Variants in ADGRL1 observed in about 807,000 individuals in gnomAD.
The protein encoded by ADGRL1 is CIRL-1.
ADGRL1 carries 31 observed loss-of-function variants against 148.9 expected under a neutral mutation model. The observed-to-expected ratio is 0.21, with a 90% confidence interval of 0.16 to 0.28. The LOEUF is 0.28. ADGRL1 is among the 10% of genes least tolerant of loss of function. ADGRL1 has a pLI of 1.00. For synonymous variants in ADGRL1, 937 were observed against 900.3 expected (o/e 1.04, Z -0.73); for missense variants, 1,521 against 2,058.8 (o/e 0.74, Z 5.05).
rs1302877479 is a variant in ADGRL1 at position 14,157,437 on chromosome 19, C to T, written c.2559G>A (p.Leu853=). The T allele has an allele frequency of 6.2e-7, 1 of 1,614,006 alleles. No individual in the cohort carries two copies. The highest frequency in any genetic ancestry group is 2.2e-5 in the East Asian group (1 of 44,894). ...CCACCCAGGTGATGACCGACAGCAGCAGCTCGTTGATGCGGCCCTGGTACT... is the reference window on the plus strand; with the variant it reads ...CCACCCAGGTGATGACCGACAGCAGTAGCTCGTTGATGCGGCCCTGGTACT... ...REIYQGRINE[L]LLSVITWVGI... is the part of the protein sequence containing the mutation. Residue 853 remains leucine (L), a synonymous_variant, in exon 14 of 23, where the codon CTG becomes CTA. Coordinates refer to ENST00000361434, the MANE Select transcript of ADGRL1 (RefSeq NM_014921.5). The surrounding 1 kb of genome is among the most constrained non-coding windows in gnomAD (Gnocchi z 7.5).
At chr19:14,187,573 CCAGCTACCT>C (rs1971657549) in intron 1 of ADGRL1, among the ~76,000 whole-genome samples, 1 of 144,358 alleles carries the variant, frequency 6.9e-6, no homozygotes, top group African/African-American at 2.5e-5. Context: ...TAAATCCCCC[CCAGCTACCT>C]CCAGCCCCCA....
At position 14,161,219 on chromosome 19, in the gene ADGRL1, C is replaced by T; in HGVS notation, c.1510+93G>A. On this transcript the variant is annotated intron_variant, in intron 6 of 22. Coordinates refer to ENST00000361434, the MANE Select transcript of ADGRL1 (RefSeq NM_014921.5). The surrounding 1 kb of genome is among the most constrained non-coding windows in gnomAD (Gnocchi z 4.4). Reference sequence around the variant, plus strand: ...CCCCTGCCCTCAGAAAACCTCTGCTCCGCAGTAGAGACCCCCACCCACACA... The same window carrying T: ...CCCCTGCCCTCAGAAAACCTCTGCTTCGCAGTAGAGACCCCCACCCACACA... 1 of 1,265,144 alleles carries T rather than the reference C, an allele frequency of 7.9e-7. No individual in the cohort carries two copies. Among genetic ancestry groups the T allele is most frequent in the Non-Finnish European group, 1.1e-6 (1 of 950,006 alleles). 78.4% of individuals were successfully genotyped at this position (1,265,144 alleles called of 1,614,324 possible). A position where few individuals can be genotyped will look rare whatever the true frequency, so the allele number is the denominator to read the frequency against.
intron 22 of ADGRL1, 35 bp from the exon 23 acceptor site, chr19:14,151,650 G>A (rs1968210899): frequency 6.4e-7 from 1 of 1,552,322 alleles, no homozygotes; most frequent in Non-Finnish European, 8.6e-7. Flanking sequence ...AGGTTGAAGA[G>A]GGGCCCTGGA....
chr19:14,199,336 A>G (rs1972458131), intron 1 of ADGRL1, among the ~76,000 whole-genome samples: 1 of 152,140 alleles, frequency 6.6e-6, no homozygotes, highest in South Asian at 2.1e-4. Flanking sequence ...TGGGTACAAA[A>G]AAGTCGATTC....
chr19:14,170,593 T>A, intron 4 of ADGRL1, 89 bp downstream of exon 4: 1 of 745,080 alleles, frequency 1.3e-6, no homozygotes, highest in Non-Finnish European at 2.3e-6. Context: ...CCCATGCATG[T>A]GTGCACATGT....
Position 14,197,800 on chromosome 19 carries a change from C to T in ADGRL1, c.-96+8185G>A, listed in dbSNP as rs187674517. On this transcript the variant is annotated intron_variant, in intron 1 of 22. Transcript: ENST00000361434. The stretch of plus-strand genomic sequence containing the variant: ...GTTGGGCTGGCTCTTGTTGCATACC[C>T]AACCCTGGGCAAGGAGTGGATGCTT... Among the ~76,000 whole-genome samples, 1,107 of 152,304 alleles carry T rather than the reference C, an allele frequency of 7.3e-3. 11 individuals are homozygous for T. Among genetic ancestry groups the T allele is most frequent in the Middle Eastern group, 0.014 (4 of 294 alleles).
intron 1 of ADGRL1, among the ~76,000 whole-genome samples, chr19:14,195,114 G>C (rs930508820): frequency 6.6e-6 from 1 of 151,910 alleles, no homozygotes; most frequent in Non-Finnish European, 1.5e-5. Context: ...TGAATTCCTG[G>C]GCTCAAGCGA....
chr19:14,186,432 T>G (rs1187434983), intron 1 of ADGRL1, among the ~76,000 whole-genome samples: 1 of 152,126 alleles, frequency 6.6e-6, no homozygotes, highest in Non-Finnish European at 1.5e-5. Flanking sequence ...GAATCTCAGA[T>G]CCCAAAGCTG....
chr19:14,202,005 A>C lies in ADGRL1; in HGVS notation c.-96+3980T>G, dbSNP rs1416094181. Among the ~76,000 whole-genome samples the C allele has an allele frequency of 2.6e-5, 4 of 152,172 alleles. No homozygotes were observed. The East Asian group carries it at 7.7e-4, about 29-fold the overall frequency. On this transcript the variant is annotated intron_variant, in intron 1 of 22. Coordinates refer to ENST00000361434, the MANE Select transcript of ADGRL1 (RefSeq NM_014921.5). The stretch of plus-strand genomic sequence containing the variant: ...GAGGGTGGGGGAGAAAAAGCCTCGA[A>C]AATATCTGGGGAAGGGTCCTCCGTG...
rs779922012 is a variant in ADGRL1 at position 14,157,843 on chromosome 19, T to A, written c.2535+39A>T. On this transcript the variant is annotated intron_variant, in intron 13 of 22. Transcript: ENST00000361434. The surrounding 1 kb of genome is among the most constrained non-coding windows in gnomAD (Gnocchi z 7.5). ...ATGCCATGCAAAGCCAGGCCAGCAA[T>A]CGGGCCTGCCTGGAGGAGCAGAGCA... 7 of 1,606,404 alleles carry A rather than the reference T, an allele frequency of 4.4e-6. No homozygotes were observed. In the South Asian group the frequency reaches 7.8e-5, roughly 18 times the overall value.
chr19:14,158,622 T>A, intron 11 of ADGRL1, 70 bp from the exon 12 acceptor site: 1 of 1,316,102 alleles, frequency 7.6e-7, no homozygotes, highest in Non-Finnish European at 1.1e-6. Context: ...GGCCCCTGGC[T>A]TCCCAGCTCA....
At chr19:14,153,157 A>G (rs919873618) in intron 18 of ADGRL1, among the ~76,000 whole-genome samples, 2 of 152,134 alleles carry the variant, frequency 1.3e-5, no homozygotes, top group Non-Finnish European at 2.9e-5. Flanking sequence ...CTCCTCTGAC[A>G]GTTTTTCATT....
chr19:14,167,503 C>T (rs1205245715), intron 4 of ADGRL1, among the ~76,000 whole-genome samples: 2 of 152,136 alleles, frequency 1.3e-5, no homozygotes, highest in Non-Finnish European at 2.9e-5. Flanking sequence ...GCCTGCTGCC[C>T]TCCTGCTAGA....
Position 14,152,644 on chromosome 19 carries a change from C to A in ADGRL1, c.3424-31G>T. The A allele has an allele frequency of 6.2e-7, 1 of 1,607,654 alleles. No homozygotes were observed. The highest frequency in any genetic ancestry group is 1.1e-5 in the South Asian group (1 of 90,820). On this transcript the variant is annotated intron_variant, in intron 19 of 22. Transcript: ENST00000361434. The surrounding 1 kb of genome is among the most constrained non-coding windows in gnomAD (Gnocchi z 6.1). Reference sequence around the variant, plus strand: ...AACACAACCCAAATGTGAGGGGATCCTTGGGCCACCCACCCTCTGGCGTCT... The same window carrying A: ...AACACAACCCAAATGTGAGGGGATCATTGGGCCACCCACCCTCTGGCGTCT...
intron 1 of ADGRL1, among the ~76,000 whole-genome samples, chr19:14,200,331 T>TTA (rs1972518167): frequency 6.6e-6 from 1 of 152,186 alleles, no homozygotes; most frequent in Admixed American, 6.5e-5. Flanking sequence ...GCCTTGTACT[T>TTA]TAAACACACA....
chr19:14,155,668 T>C lies in ADGRL1; in HGVS notation c.3126-141A>G. ...AGCCCTGAGCGGGCCGAGTGGGCCT[T>C]GGGGGCAGTGGCCTGCCCAGGACAC... On this transcript the variant is annotated intron_variant, in intron 17 of 22. Coordinates refer to ENST00000361434, the MANE Select transcript of ADGRL1 (RefSeq NM_014921.5). This position sits in a 1 kb window ranked among gnomAD's most constrained non-coding sequence, Gnocchi z 5.0. The C allele has an allele frequency of 1.3e-6, 1 of 778,590 alleles. No homozygotes were observed. Among genetic ancestry groups the C allele is most frequent in the Non-Finnish European group, 2.0e-6 (1 of 495,608 alleles). The allele number at this position is 778,590 out of a possible 1,614,324, so 48.2% of individuals were successfully genotyped here. A position where few individuals can be genotyped will look rare whatever the true frequency, so the allele number is the denominator to read the frequency against.
chr19:14,199,425 GT>G (rs895899285), intron 1 of ADGRL1, among the ~76,000 whole-genome samples: 29 of 145,338 alleles, frequency 2.0e-4, no homozygotes, highest in East Asian at 4.0e-4. Context: ...GAGTGTGTGT[GT>G]TTTTTTTTTT....
intron 18 of ADGRL1, among the ~76,000 whole-genome samples, chr19:14,153,869 G>C (rs979219092): frequency 6.6e-6 from 1 of 151,782 alleles, no homozygotes; most frequent in South Asian, 2.1e-4. Context: ...TGAAGCTGGG[G>C]GGGTGGAGGT....
rs780358934 is a variant in ADGRL1 at position 14,161,324 on chromosome 19, T to C, written c.1498A>G (p.Lys500Glu). 1 of 1,585,644 alleles carries C rather than the reference T, an allele frequency of 6.3e-7. No homozygotes were observed. The highest frequency in any genetic ancestry group is 8.5e-7 in the Non-Finnish European group (1 of 1,169,906). ...QGMLVERPCP[K>E]GTRGIASFQC... The stretch of plus-strand genomic sequence containing the variant: ...CCTCTGTACTCACCTCGAGTCCCCT[T>C]GGGGCAGGGCCTCTCCACCAGCATG... Residue 500 changes from lysine to glutamate, a missense_variant, in exon 6 of 23, where the codon AAG becomes GAG. This residue lies in a region of ADGRL1 where 270 missense variants were observed against 320.4 expected (regional missense o/e 0.84). Coordinates refer to ENST00000361434, the MANE Select transcript of ADGRL1 (RefSeq NM_014921.5). The surrounding 1 kb of genome is among the most constrained non-coding windows in gnomAD (Gnocchi z 4.4).
Sources: gnomAD v4.1 joint callset for allele counts (sites outside exome capture counted in the v4.1 genomes callset) on GRCh38, gnomAD v4.1.1 for gene constraint, gnomAD v4.1.1 regional missense constraint, Gnocchi (gnomAD v3.1) non-coding constraint, MANE v1.5 for transcripts, NCBI Gene and HGNC (gene_info 2026-07-23, HGNC 2026-07-21) for gene names.